PRKAG2: variants seen among roughly 807,000 people sequenced by gnomAD.
The protein encoded by PRKAG2 is protein kinase AMP-activated non-catalytic subunit gamma 2, also known as 5'-AMP-activated protein kinase subunit gamma-2.
Under a neutral mutation model 69.6 loss-of-function variants are expected in PRKAG2, and 26 were observed. The observed-to-expected ratio is 0.37, with a 90% CI of 0.27 to 0.52. The LOEUF (loss-of-function observed/expected upper bound fraction) is 0.52, where lower values mean the gene tolerates loss of function less well. Among genes scored for constraint, PRKAG2 ranks in the 20% least tolerant of loss-of-function variants. The pLI, the probability that PRKAG2 is intolerant of heterozygous loss-of-function variation, is 0.90. For missense variants in PRKAG2, 557 were observed against 740.0 expected, an observed-to-expected ratio of 0.75 and a Z score of 2.87; for synonymous variants, 293 against 285.0, an observed-to-expected ratio of 1.03 and a Z score of -0.28.
intron 1 of PRKAG2, among the ~76,000 whole-genome samples, chr7:151,831,894 C>T (rs1211403258): frequency 1.3e-5 from 2 of 152,136 alleles, no homozygotes; most frequent in Non-Finnish European, 2.9e-5. Flanking sequence ...GAGCAGAGGA[C>T]ACTTCCCCAG....
chr7:151,823,107 A>AG (rs1188789067), intron 1 of PRKAG2, among the ~76,000 whole-genome samples: 2 of 145,434 alleles, frequency 1.4e-5, no homozygotes, highest in Non-Finnish European at 3.0e-5. Flanking sequence ...TCACAGCAGC[A>AG]GGGGCCAGGC....
chr7:151,756,622 C>T lies in PRKAG2; in HGVS notation c.466+24530G>A, dbSNP rs1007865207. 6.6e-6 allele frequency among the ~76,000 whole-genome samples: 1 copy of T among 152,220 alleles called. No individual in the cohort carries two copies. The highest frequency in any genetic ancestry group is 1.5e-5 in the Non-Finnish European group (1 of 68,046). On this transcript the variant is annotated intron_variant, in intron 3 of 15. Coordinates refer to ENST00000287878, the MANE Select transcript of PRKAG2 (RefSeq NM_016203.4). This position sits in a 1 kb window ranked among gnomAD's most constrained non-coding sequence, Gnocchi z 4.9. ...CAACATCTGACCATAGCTACAGCCCCTTTGGCTCCCGTTCCTGCCAGACAG... is the reference window on the plus strand; with the variant it reads ...CAACATCTGACCATAGCTACAGCCCTTTTGGCTCCCGTTCCTGCCAGACAG...
At position 151,613,796 on chromosome 7, in the gene PRKAG2, G is replaced by C. The variant is rs114454619; in HGVS notation, c.754+18273C>G. ...GTGTGAGCCACTGTGCCCGGCAGCA[G>C]TCCCAAGCATTTTTTTTTTTTTTTT... On this transcript the variant is annotated intron_variant, in intron 5 of 15. Transcript: ENST00000287878. 1.0e-2 allele frequency among the ~76,000 whole-genome samples: 1,389 copies of C among 139,362 alleles called. 14 individuals carry two copies. The highest frequency in any genetic ancestry group is 0.036 in the African/African-American group (1,316 of 36,778). The allele number at this position is 139,362 out of a possible 152,430, so 91.4% of individuals were successfully genotyped here. A position where few individuals can be genotyped will look rare whatever the true frequency, so the allele number is the denominator to read the frequency against.
chr7:151,794,130 C>CA (rs1166929243), intron 1 of PRKAG2, among the ~76,000 whole-genome samples: 1 of 152,192 alleles, frequency 6.6e-6, no homozygotes, highest in East Asian at 1.9e-4. Flanking sequence ...CCCCGCCCCC[C>CA]AAGGCCAAGG....
chr7:151,742,639 A>G (rs2073979965), intron 3 of PRKAG2, among the ~76,000 whole-genome samples: 1 of 152,034 alleles, frequency 6.6e-6, no homozygotes, highest in Non-Finnish European at 1.5e-5. Flanking sequence ...AAAAAAAAAA[A>G]TAAAATAAAA....
At chr7:151,813,106 G>A (rs1185147146) in intron 1 of PRKAG2, among the ~76,000 whole-genome samples, 5 of 151,976 alleles carry the variant, frequency 3.3e-5, no homozygotes, top group Admixed American at 2.6e-4. Flanking sequence ...CCAGGGTGCC[G>A]GCTCACTCTG....
intron 1 of PRKAG2, among the ~76,000 whole-genome samples, chr7:151,849,872 A>G (rs1008671239): frequency 2.0e-5 from 3 of 152,150 alleles, no homozygotes; most frequent in Non-Finnish European, 4.4e-5. Context: ...ACACAAGGTC[A>G]CATTTACAGG....
At chr7:151,696,664 A>G (rs556773603) in intron 3 of PRKAG2, among the ~76,000 whole-genome samples, 1 of 152,338 alleles carries the variant, frequency 6.6e-6, no homozygotes, top group South Asian at 2.1e-4. Context: ...TCAAAAGCAG[A>G]GAGTCTGGGA....
chr7:151,755,502 T>C (rs1441630228), intron 3 of PRKAG2, among the ~76,000 whole-genome samples: 1 of 152,024 alleles, frequency 6.6e-6, no homozygotes, highest in Admixed American at 6.5e-5. Context: ...TTCATTTAAA[T>C]GTGCTGGGGC....
At position 151,721,314 on chromosome 7, in the gene PRKAG2, A is replaced by G. The variant is rs535329285; in HGVS notation, c.467-45677T>C. On this transcript the variant is annotated intron_variant, in intron 3 of 15. Coordinates refer to ENST00000287878, the MANE Select transcript of PRKAG2 (RefSeq NM_016203.4). ...TGCTTCCTCTGCCATCTCCTCGGTC[A>G]CTCTGGAGCTGCCTTCTGCCTACAA... 6.8e-4 allele frequency among the ~76,000 whole-genome samples: 103 copies of G among 152,208 alleles called. 6 individuals are homozygous for G. The South Asian group carries it at 0.021, about 31-fold the overall frequency.
At chr7:151,663,555 G>T (rs989428213) in intron 4 of PRKAG2, among the ~76,000 whole-genome samples, 4 of 152,034 alleles carry the variant, frequency 2.6e-5, no homozygotes, top group Admixed American at 6.6e-5. Flanking sequence ...GAGAGATGGG[G>T]TTTTGCCGTG....
At chr7:151,855,316 C>T (rs1161047192) in intron 1 of PRKAG2, among the ~76,000 whole-genome samples, 1 of 4,652 alleles carries the variant, frequency 2.1e-4, no homozygotes, top group African/African-American at 1.1e-3. Context: ...ACACACACCA[C>T]CCTCCCACAC....
intron 3 of PRKAG2, among the ~76,000 whole-genome samples, chr7:151,714,949 C>CA (rs1795922496): frequency 6.7e-6 from 1 of 149,592 alleles, no homozygotes; most frequent in Non-Finnish European, 1.5e-5. Context: ...GACTCCATCT[C>CA]AAAAAAATAA....
intron 3 of PRKAG2, among the ~76,000 whole-genome samples, chr7:151,689,091 C>G (rs1169146033): frequency 1.3e-5 from 2 of 152,240 alleles, no homozygotes; most frequent in Middle Eastern, 3.2e-3. Flanking sequence ...GGGACCCTGT[C>G]ACACTAAAGC....
At chr7:151,611,851 C>T (rs983442733) in intron 5 of PRKAG2, among the ~76,000 whole-genome samples, 5 of 152,070 alleles carry the variant, frequency 3.3e-5, no homozygotes, top group African/African-American at 1.2e-4. Context: ...GTCAGGAGTT[C>T]GAGACCAGTC....
intron 4 of PRKAG2, among the ~76,000 whole-genome samples, chr7:151,643,575 A>T (rs1167416329): frequency 1.3e-5 from 2 of 152,234 alleles, no homozygotes; most frequent in Non-Finnish European, 2.9e-5. Flanking sequence ...AAAAGGAAGT[A>T]CAATATTCCA....
intron 4 of PRKAG2, among the ~76,000 whole-genome samples, chr7:151,659,943 C>T (rs926577035): frequency 3.3e-5 from 5 of 152,190 alleles, no homozygotes; most frequent in African/African-American, 1.2e-4. Flanking sequence ...CCTGTAGTCC[C>T]AGCTACTCGG....
chr7:151,869,085 T>C (rs200492492), intron 1 of PRKAG2, among the ~76,000 whole-genome samples: 2 of 83,346 alleles, frequency 2.4e-5, no homozygotes, highest in African/African-American at 7.1e-5. Flanking sequence ...AGAGGTTTTA[T>C]TGGGGGGGGC....
At chr7:151,656,893 T>G (rs894423739) in intron 4 of PRKAG2, among the ~76,000 whole-genome samples, 5 of 150,306 alleles carry the variant, frequency 3.3e-5, no homozygotes, top group African/African-American at 1.2e-4. Flanking sequence ...TTCCAGCACT[T>G]TGGGAGGCCG....
Sources: allele counts gnomAD v4.1 joint callset (sites outside exome capture counted in the v4.1 genomes callset), GRCh38; gene constraint gnomAD v4.1.1; non-coding constraint Gnocchi (gnomAD v3.1); transcripts MANE v1.5; gene names NCBI Gene and HGNC (gene_info 2026-07-23, HGNC 2026-07-21).